The following SKAP1 variants were observed in gnomAD, a reference collection of about 807,000 sequenced individuals.
SKAP1 encodes src kinase associated phosphoprotein 1.
In SKAP1, 44 loss-of-function variants were observed where a neutral mutation model predicts 58.5. The ratio of observed to expected loss-of-function variants is 0.75; its 90% confidence interval spans 0.59 to 0.97. The LOEUF (loss-of-function observed/expected upper bound fraction) is 0.97. Ranked by LOEUF, SKAP1 falls within the 50% of genes least tolerant of loss-of-function variation. The pLI, the probability that SKAP1 is intolerant of heterozygous loss-of-function variation, is 0.00. For missense variants in SKAP1, 390 were observed against 435.2 expected (o/e 0.90, Z 0.92); for synonymous variants, 127 against 149.7 (o/e 0.85, Z 1.11).
intron 4 of SKAP1, among the ~76,000 whole-genome samples, chr17:48,244,912 G>A (rs1202032549): frequency 6.6e-6 from 1 of 152,148 alleles, no homozygotes; most frequent in Non-Finnish European, 1.5e-5. Flanking sequence ...ATTTGTTCCT[G>A]AGTCTAAAAC....
intron 2 of SKAP1, among the ~76,000 whole-genome samples, chr17:48,374,531 G>C (rs562545627): frequency 3.9e-5 from 6 of 152,078 alleles, no homozygotes; most frequent in Admixed American, 3.9e-4. Context: ...GGATTCAGAC[G>C]GACACCTAGT....
intron 4 of SKAP1, among the ~76,000 whole-genome samples, chr17:48,303,783 AC>A (rs1302816415): frequency 1.3e-5 from 2 of 152,228 alleles, no homozygotes; most frequent in African/African-American, 2.4e-5. Context: ...TACCTAGGAC[AC>A]ATAGAAGGTT....
chr17:48,323,338 G>A (rs1037729342), intron 4 of SKAP1, among the ~76,000 whole-genome samples: 3 of 151,974 alleles, frequency 2.0e-5, no homozygotes, highest in Non-Finnish European at 4.4e-5. Context: ...TGTATTTTTA[G>A]TACTGGGAAA....
intron 3 of SKAP1, among the ~76,000 whole-genome samples, chr17:48,356,106 T>C (rs1387787777): frequency 6.6e-6 from 1 of 151,806 alleles, no homozygotes; most frequent in African/African-American, 2.4e-5. Flanking sequence ...ATACAAAAAT[T>C]AGCTGCGCAT....
chr17:48,144,234 T>C (rs770647772), intron 11 of SKAP1, among the ~76,000 whole-genome samples: 22 of 152,164 alleles, frequency 1.4e-4, no homozygotes, highest in Non-Finnish European at 3.2e-4. Flanking sequence ...CTTTTCCAGA[T>C]TTCATCCCTT....
chr17:48,190,939 C>G (rs1222030920), intron 4 of SKAP1, among the ~76,000 whole-genome samples: 3 of 152,196 alleles, frequency 2.0e-5, no homozygotes, highest in African/African-American at 7.2e-5. Context: ...GAGCCGAGAT[C>G]GTGCCATTTC....
Position 48,160,471 on chromosome 17 carries a change from GT to G in SKAP1, c.978+1997del, listed in dbSNP as rs56322708. On this transcript the variant is annotated intron_variant, in intron 11 of 12. Transcript: ENST00000336915. ...TTTTAGTAACAGAGAAGGGGAAGAGGTTTTTTTTTTTTTCTTTTTAAAGATT... is the reference window on the plus strand; with the variant it reads ...TTTTAGTAACAGAGAAGGGGAAGAGGTTTTTTTTTTTTCTTTTTAAAGATT... 3.6e-3 allele frequency among the ~76,000 whole-genome samples: 525 copies of G among 145,810 alleles called. 2 individuals are homozygous for G. Among genetic ancestry groups the G allele is most frequent in the African/African-American group, 0.013 (499 of 39,554 alleles).
At chr17:48,325,990 T>C (rs1452611267) in intron 4 of SKAP1, among the ~76,000 whole-genome samples, 1 of 152,220 alleles carries the variant, frequency 6.6e-6, no homozygotes, top group African/African-American at 2.4e-5. Flanking sequence ...ACAAACACAC[T>C]TTGTATTGTC....
chr17:48,414,086 C>T lies in SKAP1; in HGVS notation c.46+15989G>A, dbSNP rs543262544. ...TCACAGGCTAAGCACAAAAAGTAAACGAAATAGATCTAATCTCTACCTTAA... is the reference window on the plus strand; with the variant it reads ...TCACAGGCTAAGCACAAAAAGTAAATGAAATAGATCTAATCTCTACCTTAA... On this transcript the variant is annotated intron_variant, in intron 1 of 12. Coordinates refer to ENST00000336915, the MANE Select transcript of SKAP1 (RefSeq NM_003726.4). Among the ~76,000 whole-genome samples, 24 of 152,194 alleles carry T rather than the reference C, an allele frequency of 1.6e-4. No individual in the cohort carries two copies. In the Middle Eastern group the frequency reaches 0.014, roughly 86 times the overall value.
intron 4 of SKAP1, among the ~76,000 whole-genome samples, chr17:48,342,890 C>G (rs1405318127): frequency 6.6e-6 from 1 of 152,044 alleles, no homozygotes; most frequent in Non-Finnish European, 1.5e-5. Context: ...GAGGCTGAGG[C>G]AGGAGAATGG....
At chr17:48,253,107 T>C (rs2065385033) in intron 4 of SKAP1, among the ~76,000 whole-genome samples, 1 of 152,130 alleles carries the variant, frequency 6.6e-6, no homozygotes, top group Non-Finnish European at 1.5e-5. Flanking sequence ...ATGATAGGTT[T>C]CAGGTTGTGA....
chr17:48,266,734 T>C (rs1257257609), intron 4 of SKAP1, among the ~76,000 whole-genome samples: 2 of 152,092 alleles, frequency 1.3e-5, no homozygotes, highest in Non-Finnish European at 2.9e-5. Flanking sequence ...ATGGTCTCGA[T>C]CTCTTGACCT....
chr17:48,423,180 T>G lies in SKAP1; in HGVS notation c.46+6895A>C, dbSNP rs150582583. On this transcript the variant is annotated intron_variant, in intron 1 of 12. Transcript: ENST00000336915. ...TAAGTAAGACCTTGATACTAACTAG[T>G]GACATTTTTGAGAGCAAAGAAAAAT... Among the ~76,000 whole-genome samples the G allele has an allele frequency of 4.9e-4, 75 of 152,232 alleles. 1 individual carries two copies. The highest frequency in any genetic ancestry group is 1.3e-3 in the Admixed American group (20 of 15,284).
chr17:48,373,212 G>A (rs935435719), intron 2 of SKAP1, among the ~76,000 whole-genome samples: 1 of 152,208 alleles, frequency 6.6e-6, no homozygotes, highest in East Asian at 1.9e-4. Context: ...AGGGAAGCAA[G>A]CACCTTCTTC....
chr17:48,253,291 T>C (rs898932493), intron 4 of SKAP1, among the ~76,000 whole-genome samples: 4 of 152,164 alleles, frequency 2.6e-5, no homozygotes, highest in African/African-American at 9.7e-5. Context: ...GATTCTTTTT[T>C]TCTGAGTCTT....
chr17:48,184,951 C>A (rs2064426829), intron 6 of SKAP1, 104 bp from the exon 7 acceptor site: 4 of 1,083,374 alleles, frequency 3.7e-6, no homozygotes, highest in South Asian at 3.2e-5. Flanking sequence ...GCTGTTACAT[C>A]CCTGAGGAAC....
chr17:48,416,061 C>T (rs2067728042), intron 1 of SKAP1, among the ~76,000 whole-genome samples: 1 of 152,166 alleles, frequency 6.6e-6, no homozygotes, highest in Non-Finnish European at 1.5e-5. Context: ...AGCCTAAAAA[C>T]ACGGTCCTTT....
At chr17:48,302,329 AG>A (rs1244738589) in intron 4 of SKAP1, among the ~76,000 whole-genome samples, 1 of 151,978 alleles carries the variant, frequency 6.6e-6, no homozygotes, top group Admixed American at 6.5e-5. Context: ...TTTTCTGCAG[AG>A]GGTAGAAGAA....
intron 4 of SKAP1, among the ~76,000 whole-genome samples, chr17:48,296,627 G>GT (rs1297816810): frequency 6.6e-6 from 1 of 152,078 alleles, no homozygotes; most frequent in Non-Finnish European, 1.5e-5. Context: ...CAGTTAAGTG[G>GT]TAAGTTTTTG....
Sources: gnomAD v4.1 joint callset for allele counts (sites outside exome capture counted in the v4.1 genomes callset) on GRCh38, gnomAD v4.1.1 for gene constraint, MANE v1.5 for transcripts, NCBI Gene and HGNC (gene_info 2026-07-23, HGNC 2026-07-21) for gene names.